The following DLG2 variants were observed in gnomAD, a reference collection of about 807,000 sequenced individuals.
The protein encoded by DLG2 is discs large MAGUK scaffold protein 2.
Under a neutral mutation model 132.5 loss-of-function variants are expected in DLG2, and 45 were observed. That is an observed-to-expected ratio of 0.34 (90% CI 0.27 to 0.44). The LOEUF (loss-of-function observed/expected upper bound fraction) is 0.44. Among genes scored for constraint, DLG2 ranks in the 20% least tolerant of loss-of-function variants. The pLI, the probability that DLG2 is intolerant of heterozygous loss-of-function variation, is 1.00. For missense variants in DLG2, 1,045 were observed against 1,196.9 expected (o/e 0.87, Z 1.87); for synonymous variants, 424 against 419.6 (o/e 1.01, Z -0.13).
At chr11:84,091,382 T>G (rs1012479255) in intron 10 of DLG2, among the ~76,000 whole-genome samples, 2 of 152,180 alleles carry the variant, frequency 1.3e-5, no homozygotes, top group Non-Finnish European at 2.9e-5. Context: ...TCAGTCTCCA[T>G]CTCTGCTGTC....
chr11:84,849,966 C>G (rs2081983903), intron 6 of DLG2, among the ~76,000 whole-genome samples: 1 of 152,102 alleles, frequency 6.6e-6, no homozygotes, highest in South Asian at 2.1e-4. Flanking sequence ...ATTATGATAT[C>G]TAACTGCCTC....
chr11:84,455,141 T>C (rs1018128363), intron 7 of DLG2, among the ~76,000 whole-genome samples: 1 of 151,418 alleles, frequency 6.6e-6, no homozygotes, highest in Non-Finnish European at 1.5e-5. Context: ...TATTTCCTTT[T>C]TTATTCTATT....
chr11:84,583,537 G>C (rs1381907576), intron 6 of DLG2, among the ~76,000 whole-genome samples: 1 of 152,130 alleles, frequency 6.6e-6, no homozygotes, highest in Non-Finnish European at 1.5e-5. Context: ...TTGACTATAT[G>C]TTTGATGTAT....
At chr11:83,710,100 C>T (rs574168521) in intron 18 of DLG2, among the ~76,000 whole-genome samples, 141 of 151,918 alleles carry the variant, frequency 9.3e-4, no homozygotes, top group African/African-American at 3.3e-3. Flanking sequence ...GTACACTGTC[C>T]TGAACTATTT....
chr11:84,365,656 T>C (rs1425402569), intron 7 of DLG2, among the ~76,000 whole-genome samples: 1 of 151,986 alleles, frequency 6.6e-6, no homozygotes, highest in Non-Finnish European at 1.5e-5. Context: ...TTGAGTGCTA[T>C]AAATTTCCCT....
chr11:84,365,741 C>A (rs1432159042), intron 7 of DLG2, among the ~76,000 whole-genome samples: 1 of 151,844 alleles, frequency 6.6e-6, no homozygotes, highest in African/African-American at 2.4e-5. Flanking sequence ...CAAAGAACAT[C>A]TTTATTTCTG....
rs574887484 is a variant in DLG2 at position 84,740,596 on chromosome 11, C to G, written c.358-205865G>C. On this transcript the variant is annotated intron_variant, in intron 6 of 27. Coordinates refer to ENST00000376104, the MANE Select transcript of DLG2 (RefSeq NM_001142699.3). ...CTGGAGGCCAGTAGCTACTGCACCTCTCCAACACTGGTGCTCCATCTTCAT... is the reference window on the plus strand; with the variant it reads ...CTGGAGGCCAGTAGCTACTGCACCTGTCCAACACTGGTGCTCCATCTTCAT... 8.7e-4 allele frequency among the ~76,000 whole-genome samples: 133 copies of G among 152,294 alleles called. 4 individuals carry two copies. In the South Asian group the frequency reaches 0.026, roughly 30 times the overall value.
At chr11:83,799,268 A>T (rs2043692775) in intron 17 of DLG2, among the ~76,000 whole-genome samples, 1 of 152,220 alleles carries the variant, frequency 6.6e-6, no homozygotes, top group Non-Finnish European at 1.5e-5. Context: ...GTAGACCTTG[A>T]ATGCCAGGGC....
intron 6 of DLG2, among the ~76,000 whole-genome samples, chr11:85,012,468 G>A (rs1262275860): frequency 6.6e-6 from 1 of 151,862 alleles, no homozygotes; most frequent in Non-Finnish European, 1.5e-5. Context: ...AGGTTGCAGT[G>A]AGCTGAGATC....
At chr11:83,861,240 G>A (rs1382074350) in intron 16 of DLG2, among the ~76,000 whole-genome samples, 1 of 152,170 alleles carries the variant, frequency 6.6e-6, no homozygotes, top group Non-Finnish European at 1.5e-5. Flanking sequence ...AAATACTGGT[G>A]AGGATATAGA....
At chr11:84,937,466 A>G (rs145728698) in intron 6 of DLG2, among the ~76,000 whole-genome samples, 96 of 152,274 alleles carry the variant, frequency 6.3e-4, no homozygotes, top group Admixed American at 1.7e-3. Flanking sequence ...TACTTATAAA[A>G]GATATATAAG....
intron 6 of DLG2, among the ~76,000 whole-genome samples, chr11:84,544,126 T>C (rs2099384822): frequency 6.6e-6 from 1 of 152,210 alleles, no homozygotes; most frequent in Non-Finnish European, 1.5e-5. Context: ...ACTGAAGATA[T>C]TGGAAATGTA....
At chr11:84,251,120 C>A (rs898377007) in intron 8 of DLG2, 118 bp downstream of exon 8, 5 of 567,140 alleles carry the variant, frequency 8.8e-6, no homozygotes, top group Non-Finnish European at 1.5e-5. Flanking sequence ...TACAAAACTA[C>A]ATGTCATTCC....
intron 7 of DLG2, among the ~76,000 whole-genome samples, chr11:84,442,043 A>G (rs2099018817): frequency 6.6e-6 from 1 of 152,194 alleles, no homozygotes; most frequent in African/African-American, 2.4e-5. Flanking sequence ...GTTTGAAATC[A>G]GGTAATGTGA....
rs191709138 is a variant in DLG2, at chr11:83,975,360, A to C, written c.1056+5146T>G. 4.6e-5 allele frequency among the ~76,000 whole-genome samples: 7 copies of C among 152,176 alleles called. No individual in the cohort carries two copies. The East Asian group carries it at 1.3e-3, about 29-fold the overall frequency. The stretch of plus-strand genomic sequence containing the variant: ...ACTGTCACTTTACCATTTAAAAAAC[A>C]AAACAAAATTCTAGTGAACAATAAA... On this transcript the variant is annotated intron_variant, in intron 12 of 27. Transcript: ENST00000376104.
chr11:85,100,920 T>C (rs564248866), intron 6 of DLG2, among the ~76,000 whole-genome samples: 3 of 152,186 alleles, frequency 2.0e-5, no homozygotes, highest in Non-Finnish European at 4.4e-5. Flanking sequence ...TTTTGAATGA[T>C]TTTTAAATTT....
chr11:84,006,269 A>C (rs2094567401), intron 11 of DLG2, among the ~76,000 whole-genome samples: 1 of 151,746 alleles, frequency 6.6e-6, no homozygotes, highest in Admixed American at 6.6e-5. Flanking sequence ...GGGAGCTAAA[A>C]AGTTGGCAGA....
At chr11:85,021,634 T>C in intron 6 of DLG2, 1 of 1,240,256 alleles carries the variant, frequency 8.1e-7, no homozygotes, top group Non-Finnish European at 1.2e-6. Context: ...ATCTGTCTTG[T>C]TGGTAACGTT....
At chr11:85,225,673 C>A (rs2074931823) in intron 4 of DLG2, among the ~76,000 whole-genome samples, 1 of 151,924 alleles carries the variant, frequency 6.6e-6, no homozygotes, top group African/African-American at 2.4e-5. Flanking sequence ...CTTTCCTTTT[C>A]TCTTCTCTCT....
Sources: gnomAD v4.1 joint callset for allele counts (sites outside exome capture counted in the v4.1 genomes callset) on GRCh38, gnomAD v4.1.1 for gene constraint, MANE v1.5 for transcripts, NCBI Gene and HGNC (gene_info 2026-07-23, HGNC 2026-07-21) for gene names.